The following RNF130 variants were observed in gnomAD, a reference collection of about 807,000 sequenced individuals.
RNF130 encodes ring finger protein 130.
RNF130 carries 21 observed loss-of-function variants against 44.6 expected under a neutral mutation model. That is an observed-to-expected ratio of 0.47 (90% CI 0.33 to 0.68). The LOEUF is 0.68. Ranked by LOEUF, RNF130 falls within the 30% of genes least tolerant of loss-of-function variation. RNF130 has a pLI of 0.02. For synonymous variants in RNF130, 214 were observed against 210.4 expected, an observed-to-expected ratio of 1.02 and a Z score of -0.15; for missense variants, 479 against 560.6, an observed-to-expected ratio of 0.85 and a Z score of 1.47.
chr5:180,010,565 G>A (rs1452363848), intron 3 of RNF130, among the ~76,000 whole-genome samples: 1 of 152,084 alleles, frequency 6.6e-6, no homozygotes, highest in African/African-American at 2.4e-5. Flanking sequence ...TTGCCATGTT[G>A]GCCAGGCTGG....
At chr5:180,056,009 G>A (rs1042678322) in intron 1 of RNF130, among the ~76,000 whole-genome samples, 4 of 152,036 alleles carry the variant, frequency 2.6e-5, no homozygotes, top group African/African-American at 7.2e-5. Flanking sequence ...GCTTGAACCC[G>A]GGAGGCAGAG....
chr5:179,974,396 T>C (rs1194509808), intron 5 of RNF130, among the ~76,000 whole-genome samples: 1 of 152,238 alleles, frequency 6.6e-6, no homozygotes, highest in African/African-American at 2.4e-5. Flanking sequence ...TAAGACCTGC[T>C]GGCTAACATC....
At chr5:179,972,439 G>C (rs1423144874) in intron 5 of RNF130, among the ~76,000 whole-genome samples, 1 of 152,210 alleles carries the variant, frequency 6.6e-6, no homozygotes, top group African/African-American at 2.4e-5. Flanking sequence ...GATGGGACTT[G>C]GCTGACTGAC....
exon 8 of RNF130, chr5:179,918,560 C>A (rs1313831827): frequency 6.6e-6 from 1 of 152,212 alleles, no homozygotes; most frequent in East Asian, 1.9e-4. Flanking sequence ...CTCCAGCTTC[C>A]TGCAGACTCA....
intron 7 of RNF130, among the ~76,000 whole-genome samples, chr5:179,948,737 G>A (rs1762082892): frequency 6.6e-6 from 1 of 151,974 alleles, no homozygotes; most frequent in Non-Finnish European, 1.5e-5. Context: ...TAAATAATTT[G>A]GAAGATAAAA....
intron 3 of RNF130, among the ~76,000 whole-genome samples, chr5:180,007,010 G>A (rs895440082): frequency 6.6e-6 from 1 of 152,132 alleles, no homozygotes; most frequent in Non-Finnish European, 1.5e-5. Flanking sequence ...CATGCAAAAT[G>A]TTCTCAATTG....
intron 3 of RNF130, among the ~76,000 whole-genome samples, chr5:179,990,915 C>A (rs1297994617): frequency 6.6e-6 from 1 of 152,116 alleles, no homozygotes. Context: ...CATATATAAT[C>A]ATATCTATGA....
intron 3 of RNF130, among the ~76,000 whole-genome samples, chr5:179,996,758 C>T (rs1763208574): frequency 6.6e-6 from 1 of 152,150 alleles, no homozygotes; most frequent in African/African-American, 2.4e-5. Context: ...ATCAAGGATA[C>T]TTGTCTATAT....
chr5:179,992,211 G>A lies in RNF130; in HGVS notation c.694-12011C>T, dbSNP rs565279753. On this transcript the variant is annotated intron_variant, in intron 3 of 8. Transcript: ENST00000521389. ...GGCTGGAGTGCAGTGGCACGATCTC[G>A]GCTCACTGTAAACTCTGCCTCCCGA... 1.4e-4 allele frequency among the ~76,000 whole-genome samples: 21 copies of A among 152,172 alleles called. 1 individual carries two copies. The South Asian group carries it at 3.3e-3, about 24-fold the overall frequency.
chr5:179,974,844 C>T (rs1014982706), intron 5 of RNF130, among the ~76,000 whole-genome samples: 12 of 152,242 alleles, frequency 7.9e-5, no homozygotes, highest in African/African-American at 2.2e-4. Flanking sequence ...CGCAGCGGCG[C>T]GGGGAGGAGC....
At chr5:180,059,748 CT>C (rs1457694579) in intron 1 of RNF130, among the ~76,000 whole-genome samples, 26 of 152,284 alleles carry the variant, frequency 1.7e-4, no homozygotes, top group African/African-American at 5.5e-4. Flanking sequence ...CAAATGATTA[CT>C]GAAGGAATAA....
chr5:179,990,934 T>C (rs1268062526), intron 3 of RNF130, among the ~76,000 whole-genome samples: 2 of 152,248 alleles, frequency 1.3e-5, no homozygotes, highest in Non-Finnish European at 2.9e-5. Context: ...GATTTACATC[T>C]AGTATAATTC....
At chr5:179,985,761 G>A (rs1762939200) in intron 3 of RNF130, among the ~76,000 whole-genome samples, 1 of 152,106 alleles carries the variant, frequency 6.6e-6, no homozygotes, top group Non-Finnish European at 1.5e-5. Flanking sequence ...GACTGCATTT[G>A]CACAAAACAA....
chr5:180,071,265 A>C (rs1243180855), intron 1 of RNF130, among the ~76,000 whole-genome samples, 191 bp downstream of exon 1: 4 of 152,240 alleles, frequency 2.6e-5, no homozygotes, highest in Non-Finnish European at 5.9e-5. Flanking sequence ...GGAAAAACCC[A>C]GTCACGCTCC....
chr5:180,040,455 G>A lies in RNF130; in HGVS notation c.440C>T (p.Pro147Leu). Residue 147 changes from proline to leucine, a missense_variant and splice_region_variant, in exon 2 of 9, where the codon CCA (proline) becomes CTA (leucine). By Grantham distance (98) the Pro-to-Leu change is moderately conservative. This residue lies in a region of RNF130 where 180 missense variants were observed against 275.1 expected (regional missense o/e 0.65). Transcript: ENST00000521389. ...CAACAACCCTCATTTTTGTTTACCT[G>A]GATGAGTCATGGTAACTGGCTCCTC... ...SKEEPVTMTHPGTGDIIAVMI... is the reference protein window; with the variant it reads ...SKEEPVTMTHLGTGDIIAVMI... 6.2e-7 allele frequency: 1 copy of A among 1,608,178 alleles called. No individual in the cohort carries two copies. Among genetic ancestry groups the A allele is most frequent in the South Asian group, 1.1e-5 (1 of 90,226 alleles).
At chr5:180,018,219 A>C (rs1043909538) in intron 2 of RNF130, among the ~76,000 whole-genome samples, 1 of 151,726 alleles carries the variant, frequency 6.6e-6, no homozygotes, top group Admixed American at 6.6e-5. Context: ...TGCTTGAACA[A>C]GGGTGGTGGA....
At chr5:179,961,146 TGAA>T (rs906891317) in intron 8 of RNF130, among the ~76,000 whole-genome samples, 2 of 151,720 alleles carry the variant, frequency 1.3e-5, no homozygotes, top group African/African-American at 2.4e-5. Flanking sequence ...AAGCACAAAT[TGAA>T]GAAGACGTTG....
At chr5:180,035,943 T>C (rs969504279) in intron 2 of RNF130, among the ~76,000 whole-genome samples, 8 of 152,232 alleles carry the variant, frequency 5.3e-5, no homozygotes, top group African/African-American at 1.9e-4. Flanking sequence ...TTCTTTAATA[T>C]AGTTTCCTTT....
intron 7 of RNF130, among the ~76,000 whole-genome samples, chr5:179,933,484 T>C (rs1238514828): frequency 1.3e-5 from 2 of 151,350 alleles, no homozygotes; most frequent in African/African-American, 2.4e-5. Context: ...TTTATTGTGG[T>C]TTTTGTCCAT....
Sources: gnomAD v4.1 joint callset for allele counts (sites outside exome capture counted in the v4.1 genomes callset) on GRCh38, gnomAD v4.1.1 for gene constraint, gnomAD v4.1.1 regional missense constraint, MANE v1.5 for transcripts, NCBI Gene and HGNC (gene_info 2026-07-23, HGNC 2026-07-21) for gene names.